APOB: variants seen among roughly 807,000 people sequenced by gnomAD.
APOB encodes apolipoprotein B, also known as apolipoprotein B-100.
A neutral mutation model predicts 314.1 loss-of-function variants in APOB; 153 were observed. That is an observed-to-expected ratio of 0.49 (90% CI 0.43 to 0.56). APOB has a LOEUF of 0.56. APOB is among the 20% of genes least tolerant of loss of function. The pLI is 0.00. For missense variants in APOB, 5,430 were observed against 5,350.7 expected, an observed-to-expected ratio of 1.01 and a Z score of -0.46; for synonymous variants, 2,087 against 2,036.4, an observed-to-expected ratio of 1.02 and a Z score of -0.67.
rs72654426 is a variant in APOB, at chr2:21,002,134, A to T, written c.13288T>A (p.Ser4430Thr). 6.4e-5 allele frequency: 104 copies of T among 1,613,858 alleles called. No individual in the cohort carries two copies. The highest frequency in any genetic ancestry group is 3.3e-4 in the Middle Eastern group (2 of 6,084). ...CTTGAGAGTTGGGAAGTAAAGTTAGAGGCACTGACAATATATTCAGAATGG... is the reference window on the plus strand; with the variant it reads ...CTTGAGAGTTGGGAAGTAAAGTTAGTGGCACTGACAATATATTCAGAATGG... ...DFHSEYIVSASNFTSQLSSQV... is the reference protein window; with the variant it reads ...DFHSEYIVSATNFTSQLSSQV... The change falls in exon 29 of 29, where the codon TCT becomes ACT. Residue 4430 changes from serine to threonine, a missense_variant. Transcript: ENST00000233242.
intron 16 of APOB, chr2:21,024,339 C>T (rs12720838): frequency 0.14 from 21,218 of 153,666 alleles, 1,558 homozygotes; most frequent in East Asian, 0.17. Context: ...ACCTTCAGGT[C>T]AGGTGCAGTG....
Position 21,010,125 on chromosome 2 carries a change from C to T in APOB, c.6743G>A (p.Trp2248Ter). Residue 2248 changes from tryptophan (W) to a stop codon, truncating the protein, a stop_gained, in exon 26 of 29, where the codon TGG becomes TAG. Coordinates refer to ENST00000233242, the MANE Select transcript of APOB (RefSeq NM_000384.3). LOFTEE classifies it high-confidence loss of function. ...FNKSGSSTASWIQNVDTKYQI... is the reference protein window; with the variant it reads ...FNKSGSSTAS ...GTACTTAGTATCCACATTTTGAATCCAGGATGCAGTACTACTTCCACTTTT... is the reference window on the plus strand; with the variant it reads ...GTACTTAGTATCCACATTTTGAATCTAGGATGCAGTACTACTTCCACTTTT... The T allele has an allele frequency of 1.2e-6, 2 of 1,612,054 alleles. No homozygotes were observed. The highest frequency in any genetic ancestry group is 2.2e-5 in the East Asian group (1 of 44,814).
rs182330308 is a variant in APOB at position 21,019,975 on chromosome 2, G to T, written c.2817-70C>A. ...CAAAATGGACATCACAAATTCTCAGGGTGCAAATACCCCCTTATCCTCCTG... is the reference window on the plus strand; with the variant it reads ...CAAAATGGACATCACAAATTCTCAGTGTGCAAATACCCCCTTATCCTCCTG... On this transcript the variant is annotated intron_variant, in intron 18 of 28. Transcript: ENST00000233242. The T allele has an allele frequency of 4.1e-6, 6 of 1,454,302 alleles. No homozygotes were observed. In the African/African-American group the frequency reaches 4.2e-5, roughly 10 times the overall value. The allele number at this position is 1,454,302 out of a possible 1,614,324, so 90.1% of individuals were successfully genotyped here.
At chr2:21,031,586 C>G (rs1330723818) in intron 10 of APOB, among the ~76,000 whole-genome samples, 1 of 152,020 alleles carries the variant, frequency 6.6e-6, no homozygotes, top group Non-Finnish European at 1.5e-5. Flanking sequence ...ACACTTGTTC[C>G]ACATAAATTT....
Position 21,005,198 on chromosome 2 carries a change from G to A in APOB, c.11670C>T (p.Asp3890=), listed in dbSNP as rs1414614178. 6.2e-7 allele frequency: 1 copy of A among 1,614,072 alleles called. No individual in the cohort carries two copies. The highest frequency in any genetic ancestry group is 8.5e-7 in the Non-Finnish European group (1 of 1,179,952). The change falls in exon 26 of 29, where the codon GAC becomes GAT. Residue 3890 remains aspartate (D), a synonymous_variant. Coordinates refer to ENST00000233242, the MANE Select transcript of APOB (RefSeq NM_000384.3). The part of the protein sequence containing the change: ...FQALTARFEV[D]SPVYNATWSA... The stretch of plus-strand genomic sequence containing the variant: ...TCCAAGTGGCATTATACACGGGAGA[G>A]TCTACCTCAAAGCGTGCAGTCAGTG...
chr2:21,037,198 C>A lies in APOB; in HGVS notation c.595G>T (p.Val199Leu), dbSNP rs1474361895. Residue 199 changes from valine to leucine, a missense_variant, in exon 6 of 29, where the codon GTG becomes TTG. Coordinates refer to ENST00000233242, the MANE Select transcript of APOB (RefSeq NM_000384.3). ...HFTVKTRKGN[V>L]ATEISTERDL... ...CTTTCAGTGGATATTTCTGTTGCCACATTGCCCTTCCTCGTCTTGACGGTA... is the reference window on the plus strand; with the variant it reads ...CTTTCAGTGGATATTTCTGTTGCCAAATTGCCCTTCCTCGTCTTGACGGTA... 4 of 1,614,106 alleles carry A rather than the reference C, an allele frequency of 2.5e-6. No individual in the cohort carries two copies. The South Asian group carries it at 3.3e-5, about 13-fold the overall frequency.
At position 21,009,185 on chromosome 2, in the gene APOB, A is replaced by G. The variant is rs781283777; in HGVS notation, c.7683T>C (p.Leu2561=). 29 of 1,613,980 alleles carry G rather than the reference A, an allele frequency of 1.8e-5. No individual in the cohort carries two copies. The highest frequency in any genetic ancestry group is 8.9e-5 in the East Asian group (4 of 44,888). ...SDWWTLAAKN[L]TDFAEQYSIQ... is the part of the protein sequence containing the mutation. ...TAGAATATTGCTCTGCAAAGTCAGTAAGGTTCTTAGCAGCAAGAGTCCACC... is the reference window on the plus strand; with the variant it reads ...TAGAATATTGCTCTGCAAAGTCAGTGAGGTTCTTAGCAGCAAGAGTCCACC... Residue 2561 remains leucine, a synonymous_variant, in exon 26 of 29, where the codon CTT becomes CTC. Coordinates refer to ENST00000233242, the MANE Select transcript of APOB (RefSeq NM_000384.3).
intron 4 of APOB, among the ~76,000 whole-genome samples, chr2:21,038,372 G>A (rs539306405): frequency 6.7e-6 from 1 of 149,264 alleles, no homozygotes; most frequent in South Asian, 2.1e-4. Flanking sequence ...AGTCTCGCTC[G>A]GTCGCCCGGG....
chr2:21,006,643 T>C lies in APOB; in HGVS notation c.10225A>G (p.Ser3409Gly). ...GTTAAGCTCACAGTACTGTTATGACTACCCTCCACAAATTTGTTGCTCAGA... is the reference window on the plus strand; with the variant it reads ...GTTAAGCTCACAGTACTGTTATGACCACCCTCCACAAATTTGTTGCTCAGA... Reference protein sequence around the residue: ...LSLSNKFVEGSHNSTVSLTTK... With the variant: ...LSLSNKFVEGGHNSTVSLTTK... The change falls in exon 26 of 29, where the codon AGT becomes GGT. Residue 3409 changes from serine to glycine, a missense_variant. Physicochemically the swap from Ser to Gly is moderately conservative, Grantham distance 56. Transcript: ENST00000233242. 3.1e-6 allele frequency: 5 copies of C among 1,614,118 alleles called. No individual in the cohort carries two copies. In the African/African-American group the frequency reaches 4.0e-5, roughly 13 times the overall value.
intron 17 of APOB, 23 bp downstream of exon 17, chr2:21,023,501 AT>A (rs1663663598): frequency 1.2e-6 from 2 of 1,613,964 alleles, no homozygotes; most frequent in Non-Finnish European, 1.7e-6. Flanking sequence ...AACCTAAGAA[AT>A]CAAAAGGCAA....
In APOB at chr2:21,002,869, T is replaced by C. The variant is rs756670216; in HGVS notation, c.12553A>G (p.Lys4185Glu). The change falls in exon 29 of 29, where the codon AAA becomes GAA. Residue 4185 changes from lysine (K) to glutamate (E), a missense_variant. Transcript: ENST00000233242. ...AGTGAGTCAATCAGATGCTTGACTT[T>C]CATATGGAATTCTTGAGTAACTCGT... ...LVRVTQEFHMKVKHLIDSLID... is the reference protein window; with the variant it reads ...LVRVTQEFHMEVKHLIDSLID... 5 of 1,613,662 alleles carry C rather than the reference T, an allele frequency of 3.1e-6. No homozygotes were observed. Among genetic ancestry groups the C allele is most frequent in the Non-Finnish European group, 4.2e-6 (5 of 1,179,878 alleles).
At position 21,011,756 on chromosome 2, in the gene APOB, G is replaced by A; in HGVS notation, c.5112C>T (p.Ala1704=). ...NAKFSLDGKA[A]LTELSLGSAY... ...CACTTCCCAGTGATAGCTCTGTGAG[G>A]GCGGCTTTCCCATCCAGACTGAATT... Residue 1704 remains alanine (A), a synonymous_variant, in exon 26 of 29, where the codon GCC becomes GCT. Coordinates refer to ENST00000233242, the MANE Select transcript of APOB (RefSeq NM_000384.3). 6.2e-7 allele frequency: 1 copy of A among 1,614,100 alleles called. No homozygotes were observed. Among genetic ancestry groups the A allele is most frequent in the Non-Finnish European group, 8.5e-7 (1 of 1,180,030 alleles).
intron 4 of APOB, 103 bp downstream of exon 4, chr2:21,040,835 G>A: frequency 7.5e-7 from 1 of 1,324,628 alleles, no homozygotes; most frequent in Non-Finnish European, 1.1e-6. Flanking sequence ...GATGGATACG[G>A]AATACAAATA....
In APOB at chr2:21,006,422, G is replaced by A. The variant is rs777249279; in HGVS notation, c.10446C>T (p.Ser3482=). ...AAAAGTAAGAGGTGAGGCTTTCCAAGCTAAGCTTGTGGTCAACTGCTCCTT... is the reference window on the plus strand; with the variant it reads ...AAAAGTAAGAGGTGAGGCTTTCCAAACTAAGCTTGTGGTCAACTGCTCCTT... ...TAKGAVDHKL[S]LESLTSYFSI... Residue 3482 remains serine, a synonymous_variant, in exon 26 of 29, where the codon AGC becomes AGT. Transcript: ENST00000233242. The A allele has an allele frequency of 6.2e-7, 1 of 1,614,072 alleles. No homozygotes were observed. The highest frequency in any genetic ancestry group is 1.3e-5 in the African/African-American group (1 of 75,034).
intron 24 of APOB, 98 bp downstream of exon 24, chr2:21,014,350 T>A: frequency 7.0e-7 from 1 of 1,437,306 alleles, no homozygotes; most frequent in Non-Finnish European, 9.6e-7. Context: ...GCTTAAATTA[T>A]TTCCTTTAAA....
chr2:21,008,690 G>T lies in APOB; in HGVS notation c.8178C>A (p.Leu2726=). ...CAGGAACTTGAAAATCATTAAGGTT[G>T]AGAGTTGGGATTATGAATTCTGGAA... is the stretch of plus-strand genomic sequence containing the variant. ...IAIPEFIIPT[L]NLNDFQVPDL... Residue 2726 remains leucine (L), a synonymous_variant, in exon 26 of 29, where the codon CTC becomes CTA. Transcript: ENST00000233242. 1 of 1,614,124 alleles carries T rather than the reference G, an allele frequency of 6.2e-7. No homozygotes were observed. Among genetic ancestry groups the T allele is most frequent in the Non-Finnish European group, 8.5e-7 (1 of 1,179,996 alleles).
intron 4 of APOB, 92 bp from the exon 5 acceptor site, chr2:21,038,203 A>AT (rs1051018715): frequency 2.4e-5 from 33 of 1,383,772 alleles, no homozygotes; most frequent in African/African-American, 1.7e-4. Context: ...CTTTTCTCAT[A>AT]TTTTTTTAAC....
chr2:21,016,983 C>CAAAAAAAA (rs376000502), intron 20 of APOB, among the ~76,000 whole-genome samples: 5 of 104,358 alleles, frequency 4.8e-5, no homozygotes, highest in African/African-American at 2.1e-4. Flanking sequence ...GACTCCATCT[C>CAAAAAAAA]AAAAAATAAA....
In APOB at chr2:21,025,069, G is replaced by A. The variant is rs147287202; in HGVS notation, c.2300C>T (p.Ser767Phe). Residue 767 changes from serine (S) to phenylalanine (F), a missense_variant, in exon 16 of 29, where the codon TCC (serine) becomes TTC (phenylalanine). Ser to Phe is a radical substitution (Grantham distance 155). Coordinates refer to ENST00000233242, the MANE Select transcript of APOB (RefSeq NM_000384.3). ...SVEKLIKDLK[S>F]KEVPEARAYL... is the part of the protein sequence containing the mutation. ...GGCTCTGGCTTCCGGGACTTCTTTGGATTTCAAATCTTTAATCAGCTTCTC... is the reference window on the plus strand; with the variant it reads ...GGCTCTGGCTTCCGGGACTTCTTTGAATTTCAAATCTTTAATCAGCTTCTC... The A allele has an allele frequency of 1.9e-6, 3 of 1,614,240 alleles. No homozygotes were observed. Among genetic ancestry groups the A allele is most frequent in the Non-Finnish European group, 1.7e-6 (2 of 1,180,052 alleles).
Sources: gnomAD v4.1 joint callset for allele counts (sites outside exome capture counted in the v4.1 genomes callset) on GRCh38, gnomAD v4.1.1 for gene constraint, MANE v1.5 for transcripts, NCBI Gene and HGNC (gene_info 2026-07-23, HGNC 2026-07-21) for gene names.